The following GAS7 variants were observed in gnomAD, a reference collection of about 807,000 sequenced individuals.
GAS7 encodes growth arrest-specific protein 7.
GAS7 carries 28 observed loss-of-function variants against 71.1 expected under a neutral mutation model. The ratio of observed to expected loss-of-function variants is 0.39; its 90% CI spans 0.29 to 0.54. The LOEUF (loss-of-function observed/expected upper bound fraction) is 0.54. GAS7 is among the 20% of genes least tolerant of loss of function. GAS7 has a pLI of 0.62. For missense variants in GAS7, 436 were observed against 627.8 expected, an observed-to-expected ratio of 0.69 and a Z score of 3.27; for synonymous variants, 258 against 245.8, an observed-to-expected ratio of 1.05 and a Z score of -0.46.
rs531064328 is a variant in GAS7, at chr17:10,062,256, G to A, written c.184-42359C>T. On this transcript the variant is annotated intron_variant, in intron 1 of 13. Coordinates refer to ENST00000432992, the MANE Select transcript of GAS7 (RefSeq NM_201433.2). The stretch of plus-strand genomic sequence containing the variant: ...TCCCAGCACTTTGGGAGGCCAAGGC[G>A]GGTGGATTACTTGAGGTCAGGAGTT... Among the ~76,000 whole-genome samples the A allele has an allele frequency of 1.2e-4, 18 of 152,344 alleles. 1 individual carries two copies. In the South Asian group the frequency reaches 3.5e-3, roughly 30 times the overall value.
At chr17:10,089,844 C>T (rs763149731) in intron 1 of GAS7, among the ~76,000 whole-genome samples, 5 of 152,204 alleles carry the variant, frequency 3.3e-5, no homozygotes, top group Middle Eastern at 3.4e-3. Flanking sequence ...TGGAGGCAAC[C>T]ACCAGGAGAA....
chr17:10,016,620 A>AAC lies in GAS7; in HGVS notation c.304+3156_304+3157insGT, dbSNP rs1555523683. On this transcript the variant is annotated intron_variant, in intron 2 of 13. Coordinates refer to ENST00000432992, the MANE Select transcript of GAS7 (RefSeq NM_201433.2). ...TCTCTACCAAAAAAAAAAAAAAAAA[A>AAC]AAAACAAAACAAAAAAAACTGTTTT... 3.4e-3 allele frequency among the ~76,000 whole-genome samples: 441 copies of AAC among 131,566 alleles called. 4 individuals are homozygous for AAC. Among genetic ancestry groups the AAC allele is most frequent in the African/African-American group, 9.8e-3 (320 of 32,718 alleles). 86.3% of individuals were successfully genotyped at this position (131,566 alleles called of 152,430 possible). A position where few individuals can be genotyped will look rare whatever the true frequency, so the allele number is the denominator to read the frequency against.
chr17:9,999,301 T>C (rs2071168935), intron 2 of GAS7, among the ~76,000 whole-genome samples: 1 of 152,122 alleles, frequency 6.6e-6, no homozygotes, highest in African/African-American at 2.4e-5. Flanking sequence ...GTGGAACACT[T>C]GAGGTCAGGA....
chr17:10,007,584 C>T (rs960763145), intron 2 of GAS7, among the ~76,000 whole-genome samples: 1 of 145,300 alleles, frequency 6.9e-6, no homozygotes, highest in Non-Finnish European at 1.5e-5. Flanking sequence ...TGAGATCGCA[C>T]CACTGCACTC....
At chr17:9,970,281 TAGTC>T (rs1397844159) in intron 3 of GAS7, among the ~76,000 whole-genome samples, 1 of 152,174 alleles carries the variant, frequency 6.6e-6, no homozygotes, top group African/African-American at 2.4e-5. Flanking sequence ...TGTCAATTAA[TAGTC>T]AGGTGATCAT....
At chr17:9,932,294 A>G (rs1353037038) in intron 9 of GAS7, among the ~76,000 whole-genome samples, 2 of 149,686 alleles carry the variant, frequency 1.3e-5, no homozygotes, top group Non-Finnish European at 3.0e-5. Flanking sequence ...TCCAGGGTTC[A>G]AGAGATTCTC....
At chr17:9,933,282 C>T (rs777371325) in intron 9 of GAS7, among the ~76,000 whole-genome samples, 1 of 152,108 alleles carries the variant, frequency 6.6e-6, no homozygotes, top group Non-Finnish European at 1.5e-5. Context: ...AAAAAATTCT[C>T]CCTTTGGCAT....
chr17:9,947,764 CA>C (rs11401652), intron 5 of GAS7, among the ~76,000 whole-genome samples: 128 of 94,868 alleles, frequency 1.3e-3, no homozygotes, highest in South Asian at 2.9e-3. Flanking sequence ...AACTATGTCT[CA>C]AAAAAAAAAA....
intron 1 of GAS7, among the ~76,000 whole-genome samples, chr17:10,153,156 GC>G (rs1255980868): frequency 6.7e-6 from 1 of 148,874 alleles, no homozygotes; most frequent in Non-Finnish European, 1.5e-5. Context: ...GTTACACTGA[GC>G]CAAGATCACG....
intron 1 of GAS7, 53 bp downstream of exon 1, chr17:10,198,155 G>T: frequency 6.5e-7 from 1 of 1,535,754 alleles, no homozygotes. Flanking sequence ...AGGTACGCGA[G>T]CGCACCGAGG....
rs181945252 is a variant in GAS7 at position 10,181,396 on chromosome 17, T to C, written c.183+16812A>G. On this transcript the variant is annotated intron_variant, in intron 1 of 13. Coordinates refer to ENST00000432992, the MANE Select transcript of GAS7 (RefSeq NM_201433.2). The stretch of plus-strand genomic sequence containing the variant: ...GAATAGAATAGAATGGGGATATATC[T>C]CAATAGAGCTGTCAAACAGAAAGAA... 2.0e-5 allele frequency among the ~76,000 whole-genome samples: 3 copies of C among 148,696 alleles called. No homozygotes were observed. The East Asian group carries it at 5.9e-4, about 29-fold the overall frequency.
chr17:10,181,292 G>A (rs1376487304), intron 1 of GAS7, among the ~76,000 whole-genome samples: 1 of 151,856 alleles, frequency 6.6e-6, no homozygotes, highest in Non-Finnish European at 1.5e-5. Flanking sequence ...CCCAGGAGGT[G>A]GAGATTGCAG....
chr17:10,075,696 G>A (rs1203828752), intron 1 of GAS7, among the ~76,000 whole-genome samples: 1 of 151,210 alleles, frequency 6.6e-6, no homozygotes, highest in Non-Finnish European at 1.5e-5. Context: ...TCAGGAGGCT[G>A]AAGAAGGAGG....
In GAS7 at chr17:10,019,823, G is replaced by A; in HGVS notation, c.258C>T (p.Tyr86=). 2 of 1,614,070 alleles carry A rather than the reference G, an allele frequency of 1.2e-6. No individual in the cohort carries two copies. Among genetic ancestry groups the A allele is most frequent in the East Asian group, 2.2e-5 (1 of 44,878 alleles). Residue 86 remains tyrosine (Y), a synonymous_variant, in exon 2 of 14, where the codon TAC becomes TAT. Coordinates refer to ENST00000432992, the MANE Select transcript of GAS7 (RefSeq NM_201433.2). The part of the protein sequence containing the change: ...TVILPPGWQS[Y]LSPQGRRYYV... ...AGTACCGCCGGCCCTGAGGCGACAG[G>A]TAGCTCTGCCAGCCAGGTGGAAGGA...
intron 9 of GAS7, chr17:9,927,073 A>C: frequency 3.2e-6 from 1 of 310,504 alleles, no homozygotes; most frequent in East Asian, 5.8e-5. Flanking sequence ...GCAGCTTTTA[A>C]ATTTTTAGAA....
intron 1 of GAS7, among the ~76,000 whole-genome samples, chr17:10,119,302 A>G (rs1419200287): frequency 6.6e-6 from 1 of 152,246 alleles, no homozygotes; most frequent in African/African-American, 2.4e-5. Flanking sequence ...AGATCTTTCT[A>G]GCTCTTCTGC....
chr17:10,062,672 C>G (rs890168433), intron 1 of GAS7, among the ~76,000 whole-genome samples: 2 of 152,188 alleles, frequency 1.3e-5, no homozygotes, highest in African/African-American at 4.8e-5. Flanking sequence ...ATGTGAATAA[C>G]TTTAAATAAC....
Position 10,033,004 on chromosome 17 carries a change from C to A in GAS7, c.184-13107G>T, listed in dbSNP as rs960054654. Among the ~76,000 whole-genome samples, 6 of 152,262 alleles carry A rather than the reference C, an allele frequency of 3.9e-5. 1 individual carries two copies. The highest frequency in any genetic ancestry group is 6.5e-5 in the Admixed American group (1 of 15,290). ...CAGTTGGGGATTCTCTTCCCCTTTG[C>A]CACAGGTCCCTGTTACGGCCAATTA... is the stretch of plus-strand genomic sequence containing the variant. On this transcript the variant is annotated intron_variant, in intron 1 of 13. Coordinates refer to ENST00000432992, the MANE Select transcript of GAS7 (RefSeq NM_201433.2).
intron 1 of GAS7, among the ~76,000 whole-genome samples, chr17:10,144,840 G>A (rs1029460190): frequency 4.6e-5 from 7 of 152,256 alleles, no homozygotes; most frequent in Admixed American, 2.6e-4. Flanking sequence ...GAGCCACTGC[G>A]CCTGGCCAGT....
Sources: allele counts gnomAD v4.1 joint callset (sites outside exome capture counted in the v4.1 genomes callset), GRCh38; gene constraint gnomAD v4.1.1; transcripts MANE v1.5; gene names NCBI Gene and HGNC (gene_info 2026-07-23, HGNC 2026-07-21).